The following SHC2 variants were observed in gnomAD, a reference collection of about 807,000 sequenced individuals.
SHC2 encodes the protein SHC-transforming protein 2.
A neutral mutation model predicts 60.6 loss-of-function variants in SHC2; 62 were observed. The ratio of observed to expected loss-of-function variants is 1.02; its 90% CI spans 0.83 to 1.26. The LOEUF (loss-of-function observed/expected upper bound fraction) is 1.26. Ranked by LOEUF, SHC2 falls within the 50% of genes most tolerant of loss-of-function variation. The pLI, the probability that SHC2 is intolerant of heterozygous loss-of-function variation, is 0.00. For synonymous variants in SHC2, 375 were observed against 372.4 expected (o/e 1.01, Z -0.08); for missense variants, 873 against 822.2 (o/e 1.06, Z -0.76).
chr19:435,512 A>G (rs970522772), intron 7 of SHC2, among the ~76,000 whole-genome samples: 4 of 152,238 alleles, frequency 2.6e-5, no homozygotes, highest in African/African-American at 9.6e-5. Context: ...CGTGACCAGC[A>G]GGCTGGGAGC....
At position 445,388 on chromosome 19, in the gene SHC2, T is replaced by C. The variant is rs1160888367; in HGVS notation, c.469-4456A>G. The stretch of plus-strand genomic sequence containing the variant: ...CTGTAAAGAGGCCCTCGCCAGACAC[T>C]GAATCTTCCGGCGCCTCGATCGTGG... On this transcript the variant is annotated intron_variant, in intron 1 of 12. Coordinates refer to ENST00000264554, the MANE Select transcript of SHC2 (RefSeq NM_012435.3). The surrounding 1 kb of genome is among the most constrained non-coding windows in gnomAD (Gnocchi z 4.4). Among the ~76,000 whole-genome samples the C allele has an allele frequency of 6.6e-6, 1 of 152,170 alleles. No homozygotes were observed. The highest frequency in any genetic ancestry group is 2.4e-5 in the African/African-American group (1 of 41,452).
chr19:443,941 AATGGATGGGTGGGTGGATGGAGGGTGG>A (rs1974986006), intron 1 of SHC2, among the ~76,000 whole-genome samples: 1 of 105,762 alleles, frequency 9.5e-6, no homozygotes, highest in Non-Finnish European at 2.0e-5. Flanking sequence ...TGGACGGGTG[AATGGATGGGTGGGTGGATGGAGGGTGG>A]ATGGATGGAC....
chr19:436,489 T>C, intron 5 of SHC2, 58 bp from the exon 6 acceptor site: 1 of 1,598,156 alleles, frequency 6.3e-7, no homozygotes, highest in Non-Finnish European at 8.5e-7. Context: ...GATTCCCAGC[T>C]GCCCACCCCA....
At chr19:451,275 A>G (rs1208656711) in intron 1 of SHC2, among the ~76,000 whole-genome samples, 3 of 146,258 alleles carry the variant, frequency 2.1e-5, no homozygotes, top group Admixed American at 1.4e-4. Context: ...GCTGTGCTGT[A>G]TTTCAGCATG....
At chr19:450,560 G>T (rs1202993590) in intron 1 of SHC2, among the ~76,000 whole-genome samples, 1 of 152,152 alleles carries the variant, frequency 6.6e-6, no homozygotes, top group African/African-American at 2.4e-5. Context: ...TGGCTCTGGG[G>T]ACCTCTGATG....
At chr19:442,524 T>C in intron 1 of SHC2, among the ~76,000 whole-genome samples, 1 of 63,402 alleles carries the variant, frequency 1.6e-5, no homozygotes, top group African/African-American at 7.0e-5. Context: ...GATGGATGGG[T>C]GGGTGGATGG....
chr19:421,600 T>A (rs980700556), intron 11 of SHC2, among the ~76,000 whole-genome samples: 1 of 152,064 alleles, frequency 6.6e-6, no homozygotes, highest in Non-Finnish European at 1.5e-5. Flanking sequence ...TCACCATTTG[T>A]AAGGTGCATA....
chr19:422,252 C>G lies in SHC2; in HGVS notation c.1514G>C (p.Gly505Ala), dbSNP rs369395153. The G allele has an allele frequency of 3.8e-5, 62 of 1,612,476 alleles. No homozygotes were observed. The highest frequency in any genetic ancestry group is 5.2e-5 in the Non-Finnish European group (61 of 1,179,654). The change falls in exon 11 of 13, where the codon GGG becomes GCG. Residue 505 changes from glycine to alanine, a missense_variant. Gly to Ala is a moderately conservative substitution (Grantham distance 60). Coordinates refer to ENST00000264554, the MANE Select transcript of SHC2 (RefSeq NM_012435.3). The surrounding 1 kb of genome is among the most constrained non-coding windows in gnomAD (Gnocchi z 5.0). ...GACGCTGTCTCGCACAAGGAAGTCC[C>G]CGTCAGCTCGAAGCATCCTCTCTGC... ...RAAERMLRAD[G>A]DFLVRDSVTN...
chr19:418,288 C>T (rs1001349058), intron 12 of SHC2, among the ~76,000 whole-genome samples: 6 of 152,204 alleles, frequency 3.9e-5, no homozygotes, highest in East Asian at 3.9e-4. Flanking sequence ...ACACCCAGCA[C>T]GCCGCAGGGG....
At chr19:443,714 ACGGGTGAGTGGATGGGT>A (rs1974974217) in intron 1 of SHC2, among the ~76,000 whole-genome samples, 1 of 126,224 alleles carries the variant, frequency 7.9e-6, no homozygotes, top group Non-Finnish European at 1.7e-5. Flanking sequence ...GGATGGATGG[ACGGGTGAGTGGATGGGT>A]GGGTGGATGG....
intron 1 of SHC2, among the ~76,000 whole-genome samples, chr19:452,406 T>C (rs1416341211): frequency 8.8e-6 from 1 of 114,274 alleles, no homozygotes. Flanking sequence ...CTCCGTTTCA[T>C]TGAGGTTGGG....
rs139713594 is a variant in SHC2, at chr19:455,428, G to A, written c.468+5101C>T. On this transcript the variant is annotated intron_variant, in intron 1 of 12. Coordinates refer to ENST00000264554, the MANE Select transcript of SHC2 (RefSeq NM_012435.3). ...CCAGGGCTCCTCGGAACTCAGCACC[G>A]CGCAGGACTCGGCGTGAGCCTCGGC... Among the ~76,000 whole-genome samples, 416 of 152,374 alleles carry A rather than the reference G, an allele frequency of 2.7e-3. 4 individuals are homozygous for A. The highest frequency in any genetic ancestry group is 9.6e-3 in the African/African-American group (401 of 41,602).
chr19:425,027 G>A lies in SHC2; in HGVS notation c.1309+70C>T. ...AGGGAATCCCGTAGGGAGTGGGGGT[G>A]GGGTTGTGCCTCCCCCATCAGACAA... is the stretch of plus-strand genomic sequence containing the variant. On this transcript the variant is annotated intron_variant, in intron 10 of 12. Coordinates refer to ENST00000264554, the MANE Select transcript of SHC2 (RefSeq NM_012435.3). The surrounding 1 kb of genome is among the most constrained non-coding windows in gnomAD (Gnocchi z 4.1). 1.5e-6 allele frequency: 2 copies of A among 1,327,450 alleles called. No individual in the cohort carries two copies. Among genetic ancestry groups the A allele is most frequent in the Non-Finnish European group, 2.0e-6 (2 of 1,024,704 alleles). 82.2% of individuals were successfully genotyped at this position (1,327,450 alleles called of 1,614,324 possible).
intron 7 of SHC2, among the ~76,000 whole-genome samples, chr19:435,295 G>T (rs560565565): frequency 6.6e-6 from 1 of 152,210 alleles, no homozygotes; most frequent in East Asian, 1.9e-4. Context: ...CAGCAAGCAC[G>T]GCCCCGAGAG....
At chr19:455,489 G>A (rs749285940) in intron 1 of SHC2, among the ~76,000 whole-genome samples, 4 of 152,254 alleles carry the variant, frequency 2.6e-5, no homozygotes, top group Non-Finnish European at 4.4e-5. Flanking sequence ...TGCTGCCCAC[G>A]GCGCTCGGAC....
intron 9 of SHC2, among the ~76,000 whole-genome samples, chr19:429,250 C>A (rs1407724763): frequency 7.0e-6 from 1 of 143,190 alleles, no homozygotes; most frequent in East Asian, 2.1e-4. Context: ...AGTACCTATA[C>A]CCAACATGCA....
intron 1 of SHC2, 64 bp downstream of exon 1, chr19:460,465 A>G (rs1600339107): frequency 3.5e-6 from 2 of 573,648 alleles, no homozygotes; most frequent in Non-Finnish European, 2.0e-6. Flanking sequence ...GGGGTCCCGG[A>G]GGAGAGGGTG....
Position 453,703 on chromosome 19 carries a change from C to T in SHC2, c.468+6826G>A, listed in dbSNP as rs993431647. ...CCATCTCCAGCACCCTCTCACAACT[C>T]CCCGCACCTCCCAGCTTAAGGGACC... is the stretch of plus-strand genomic sequence containing the variant. On this transcript the variant is annotated intron_variant, in intron 1 of 12. Coordinates refer to ENST00000264554, the MANE Select transcript of SHC2 (RefSeq NM_012435.3). This position sits in a 1 kb window ranked among gnomAD's most constrained non-coding sequence, Gnocchi z 6.3. 1.1e-4 allele frequency among the ~76,000 whole-genome samples: 17 copies of T among 152,194 alleles called. No individual in the cohort carries two copies. The highest frequency in any genetic ancestry group is 2.0e-4 in the Admixed American group (3 of 15,280).
At chr19:458,353 T>TCCGGGGAGGCGGAAGCGGGTC (rs1975426938) in intron 1 of SHC2, among the ~76,000 whole-genome samples, 2 of 80,832 alleles carry the variant, frequency 2.5e-5, no homozygotes, top group Admixed American at 1.3e-4. Context: ...AGAAGCGGGT[T>TCCGGGGAGGCGGAAGCGGGTC]CCGGGGAGGC....
Sources: allele counts gnomAD v4.1 joint callset (sites outside exome capture counted in the v4.1 genomes callset), GRCh38; gene constraint gnomAD v4.1.1; non-coding constraint Gnocchi (gnomAD v3.1); transcripts MANE v1.5; gene names NCBI Gene and HGNC (gene_info 2026-07-23, HGNC 2026-07-21).